PGRMC2: variants seen among roughly 807,000 people sequenced by gnomAD.
PGRMC2 encodes the protein membrane-associated progesterone receptor component 2.
A neutral mutation model predicts 19.3 loss-of-function variants in PGRMC2; 9 were observed. That is an observed-to-expected ratio of 0.47 (90% CI 0.28 to 0.81). The LOEUF (loss-of-function observed/expected upper bound fraction) is 0.81, where lower values mean the gene tolerates loss of function less well. Ranked by LOEUF, PGRMC2 falls within the 40% of genes least tolerant of loss-of-function variation. The probability of loss-of-function intolerance (pLI) is 0.11; values close to 1 mark genes in which losing one functional copy is unlikely to be tolerated. For synonymous variants in PGRMC2, 157 were observed against 124.6 expected (o/e 1.26, Z -1.73); for missense variants, 289 against 297.3 (o/e 0.97, Z 0.21).
At chr4:128,283,980 T>TA (rs1471813157) in intron 1 of PGRMC2, among the ~76,000 whole-genome samples, 9 of 148,816 alleles carry the variant, frequency 6.0e-5, no homozygotes, top group African/African-American at 2.2e-4. Context: ...TATTTTTATT[T>TA]TTTTTTTTTT....
chr4:128,278,896 G>A (rs1407399992), intron 1 of PGRMC2, among the ~76,000 whole-genome samples: 1 of 152,076 alleles, frequency 6.6e-6, no homozygotes, highest in Admixed American at 6.6e-5. Flanking sequence ...AAATCTGTAC[G>A]ATCAATATGA....
At chr4:128,280,879 C>T (rs1760900679) in intron 1 of PGRMC2, among the ~76,000 whole-genome samples, 2 of 152,154 alleles carry the variant, frequency 1.3e-5, no homozygotes, top group Non-Finnish European at 2.9e-5. Context: ...GGATTATAGG[C>T]ATGAGCCACT....
rs1761007274 is a variant in PGRMC2 at position 128,287,591 on chromosome 4, C to T, written c.200G>A (p.Gly67Glu). ...CCAGCGCACCCACAGCCGGTAGGCC[C>T]CCAGCAGCACCAGAGCCACCAGCGC... ...NVALVALVLL[G>E]AYRLWVRWGR... Residue 67 changes from glycine to glutamate, a missense_variant, in exon 1 of 3, where the codon GGG becomes GAG. Coordinates refer to ENST00000296425, the MANE Select transcript of PGRMC2 (RefSeq NM_006320.6). 1.3e-6 allele frequency: 2 copies of T among 1,536,676 alleles called. No individual in the cohort carries two copies. The highest frequency in any genetic ancestry group is 1.8e-6 in the Non-Finnish European group (2 of 1,142,826).
At position 128,272,517 on chromosome 4, in the gene PGRMC2, G is replaced by C. The variant is rs772145721; in HGVS notation, c.419C>G (p.Ala140Gly). The change falls in exon 2 of 3, where the codon GCG becomes GGG. Residue 140 changes from alanine (A) to glycine (G), a missense_variant and splice_region_variant. Ala to Gly is a moderately conservative substitution (Grantham distance 60, BLOSUM62 0). Coordinates refer to ENST00000296425, the MANE Select transcript of PGRMC2 (RefSeq NM_006320.6). ...VTKGSKFYGPAGPYGIFAGRD... is the reference protein window; with the variant it reads ...VTKGSKFYGPGGPYGIFAGRD... ...ACCAGCAAATATTCCATATGGACCC[G>C]CTGGAAAAAAGAAAATAAATTATTT... 4.2e-6 allele frequency: 6 copies of C among 1,440,102 alleles called. No individual in the cohort carries two copies. The highest frequency in any genetic ancestry group is 1.9e-4 in the Middle Eastern group (1 of 5,368). The allele number at this position is 1,440,102 out of a possible 1,614,324, so 89.2% of individuals were successfully genotyped here. A position where few individuals can be genotyped will look rare whatever the true frequency, so the allele number is the denominator to read the frequency against.
rs747302016 is a variant in PGRMC2, at chr4:128,280,352, G to GAAAAAAAAAAAA, written c.418+7020_418+7021insTTTTTTTTTTTT. On this transcript the variant is annotated intron_variant, in intron 1 of 2. Coordinates refer to ENST00000296425, the MANE Select transcript of PGRMC2 (RefSeq NM_006320.6). Reference sequence around the variant, plus strand: ...GCAATAAGTAACAGCAAATTTTCTGGGAAAAAAAAAAAAAAAAAAAAAAGG... The same window carrying GAAAAAAAAAAAA: ...GCAATAAGTAACAGCAAATTTTCTGGAAAAAAAAAAAAGAAAAAAAAAAAAAAAAAAAAAAGG... 1.3e-4 allele frequency among the ~76,000 whole-genome samples: 8 copies of GAAAAAAAAAAAA among 60,538 alleles called. 4 individuals are homozygous for GAAAAAAAAAAAA. Among genetic ancestry groups the GAAAAAAAAAAAA allele is most frequent in the Non-Finnish European group, 1.8e-4 (6 of 33,678 alleles). The allele number at this position is 60,538 out of a possible 152,430, so 39.7% of individuals were successfully genotyped here.
At chr4:128,281,516 G>A (rs886735258) in intron 1 of PGRMC2, among the ~76,000 whole-genome samples, 3 of 151,760 alleles carry the variant, frequency 2.0e-5, no homozygotes, top group Non-Finnish European at 4.4e-5. Flanking sequence ...AATCAGAGAA[G>A]GAAAAATAGT....
In PGRMC2 at chr4:128,271,260, GA is replaced by G; in HGVS notation, c.*55del. 1.1e-6 allele frequency: 1 copy of G among 885,456 alleles called. No homozygotes were observed. The highest frequency in any genetic ancestry group is 2.0e-5 in the Admixed American group (1 of 50,516). 54.8% of individuals were successfully genotyped at this position (885,456 alleles called of 1,614,324 possible). A position where few individuals can be genotyped will look rare whatever the true frequency, so the allele number is the denominator to read the frequency against. On this transcript the variant is annotated 3_prime_UTR_variant, in exon 3 of 3. Coordinates refer to ENST00000296425, the MANE Select transcript of PGRMC2 (RefSeq NM_006320.6). Reference sequence around the variant, plus strand: ...AACCCAAAGACTCCGGACAGTCTGTGAAAGGGAGTAAGAATTGCAGTTCTGA... The same window carrying G: ...AACCCAAAGACTCCGGACAGTCTGTGAAGGGAGTAAGAATTGCAGTTCTGA...
intron 1 of PGRMC2, among the ~76,000 whole-genome samples, chr4:128,283,550 G>A (rs1760939793): frequency 6.6e-6 from 1 of 152,100 alleles, no homozygotes; most frequent in African/African-American, 2.4e-5. Flanking sequence ...TATGTGGCTA[G>A]TGTTACTAAG....
chr4:128,284,431 C>T (rs1335993423), intron 1 of PGRMC2, among the ~76,000 whole-genome samples: 1 of 152,154 alleles, frequency 6.6e-6, no homozygotes. Context: ...GGTTTTCTTT[C>T]TCCTCCTGTA....
chr4:128,281,954 G>A (rs559682089), intron 1 of PGRMC2, among the ~76,000 whole-genome samples: 2 of 152,072 alleles, frequency 1.3e-5, no homozygotes, highest in Admixed American at 6.5e-5. Context: ...CCTTTTTCTC[G>A]AGAATCTAAC....
chr4:128,279,844 C>T (rs1417471233), intron 1 of PGRMC2, among the ~76,000 whole-genome samples: 2 of 152,104 alleles, frequency 1.3e-5, no homozygotes, highest in African/African-American at 2.4e-5. Flanking sequence ...TAGAACAATA[C>T]GTAGACTGGT....
chr4:128,271,445 G>A (rs780393095), intron 2 of PGRMC2, 32 bp from the exon 3 acceptor site: 2 of 1,183,990 alleles, frequency 1.7e-6, no homozygotes, highest in East Asian at 4.7e-5. Context: ...AATCAGTGGT[G>A]ATCAAATTTG....
At chr4:128,283,103 A>C (rs1273486391) in intron 1 of PGRMC2, among the ~76,000 whole-genome samples, 1 of 152,260 alleles carries the variant, frequency 6.6e-6, no homozygotes, top group Non-Finnish European at 1.5e-5. Context: ...CAAAAAAATA[A>C]AAGCACTGTT....
In PGRMC2 at chr4:128,270,260, C is replaced by G. The variant is rs912752100; in HGVS notation, c.*1056G>C. The G allele has an allele frequency of 6.5e-6, 1 of 152,708 alleles. No individual in the cohort carries two copies. Among genetic ancestry groups the G allele is most frequent in the African/African-American group, 2.4e-5 (1 of 41,450 alleles). The allele number at this position is 152,708 out of a possible 1,614,324, so 9.5% of individuals were successfully genotyped here. A position where few individuals can be genotyped will look rare whatever the true frequency, so the allele number is the denominator to read the frequency against. On this transcript the variant is annotated 3_prime_UTR_variant, in exon 3 of 3. Transcript: ENST00000296425. The stretch of plus-strand genomic sequence containing the variant: ...CCATACTGACACCCACTCCACAGCC[C>G]CATGCACCCACACCAGTGAGATGTG...
At chr4:128,278,138 G>A (rs1468137446) in intron 1 of PGRMC2, among the ~76,000 whole-genome samples, 1 of 152,180 alleles carries the variant, frequency 6.6e-6, no homozygotes, top group Non-Finnish European at 1.5e-5. Context: ...TTATGGGAGT[G>A]GGGCCTGAGT....
At chr4:128,281,277 T>C (rs1027287065) in intron 1 of PGRMC2, among the ~76,000 whole-genome samples, 1 of 152,224 alleles carries the variant, frequency 6.6e-6, no homozygotes, top group Non-Finnish European at 1.5e-5. Flanking sequence ...TTTGTAGTCA[T>C]GGCAGTTTTG....
chr4:128,269,422 G>C lies in PGRMC2; in HGVS notation c.*1894C>G, dbSNP rs1195744085. ...TATATATAGATATCAGTTTACTACAGAGGACATGTACTTTTAACATTTTTT... is the reference window on the plus strand; with the variant it reads ...TATATATAGATATCAGTTTACTACACAGGACATGTACTTTTAACATTTTTT... On this transcript the variant is annotated 3_prime_UTR_variant, in exon 3 of 3. Transcript: ENST00000296425. 1 of 152,092 alleles carries C rather than the reference G, an allele frequency of 6.6e-6. No individual in the cohort carries two copies. The highest frequency in any genetic ancestry group is 1.5e-5 in the Non-Finnish European group (1 of 68,012). The allele number at this position is 152,092 out of a possible 1,614,324, so 9.4% of individuals were successfully genotyped here.
At chr4:128,287,243 C>T (rs1390317389) in intron 1 of PGRMC2, 130 bp downstream of exon 1, 4 of 1,070,612 alleles carry the variant, frequency 3.7e-6, no homozygotes, top group South Asian at 1.7e-5. Flanking sequence ...CCAGGTGCGG[C>T]GGCCGAGGCG....
intron 1 of PGRMC2, among the ~76,000 whole-genome samples, chr4:128,281,704 AAC>A (rs1308192638): frequency 6.6e-6 from 1 of 152,218 alleles, no homozygotes; most frequent in Non-Finnish European, 1.5e-5. Flanking sequence ...AAAATAAAAC[AAC>A]ACAGATTGAC....
Sources: allele counts gnomAD v4.1 joint callset (sites outside exome capture counted in the v4.1 genomes callset), GRCh38; gene constraint gnomAD v4.1.1; transcripts MANE v1.5; gene names NCBI Gene and HGNC (gene_info 2026-07-23, HGNC 2026-07-21).